The following EXOSC8 variants were observed in gnomAD, a reference collection of about 807,000 sequenced individuals.
EXOSC8 encodes the protein exosome complex component RRP43.
Under a neutral mutation model 39.9 loss-of-function variants are expected in EXOSC8, and 37 were observed. The observed-to-expected ratio is 0.93, with a 90% confidence interval of 0.71 to 1.22. The LOEUF is 1.22. Among genes scored for constraint, EXOSC8 ranks in the 50% most tolerant of loss-of-function variants. EXOSC8 has a pLI of 0.00. For missense variants in EXOSC8, 313 were observed against 326.6 expected, an observed-to-expected ratio of 0.96 and a Z score of 0.32; for synonymous variants, 93 against 109.5, an observed-to-expected ratio of 0.85 and a Z score of 0.94.
intron 1 of EXOSC8, 100 bp from the exon 2 acceptor site, chr13:37,002,173 G>C: frequency 1.2e-6 from 1 of 839,512 alleles, no homozygotes; most frequent in Non-Finnish European, 2.0e-6. Context: ...AAGTTGTGGA[G>C]ATTTATGCTG....
chr13:37,009,135 A>G (rs202116249), intron 10 of EXOSC8, 49 bp from the exon 11 acceptor site: 50 of 1,230,668 alleles, frequency 4.1e-5, no homozygotes, highest in African/African-American at 7.6e-5. Context: ...ATGTTTTTTG[A>G]AAAGGAATGA....
chr13:37,006,479 CAT>C (rs150004044), intron 7 of EXOSC8, among the ~76,000 whole-genome samples: 2,777 of 152,054 alleles, frequency 0.018, 43 homozygotes, highest in Non-Finnish European at 0.025. Flanking sequence ...ATCATGTTAA[CAT>C]ATGTTTATGG....
chr13:37,000,817 GT>G lies in EXOSC8; in HGVS notation c.14del (p.Phe5SerfsTer14). The G allele has an allele frequency of 6.3e-7, 1 of 1,580,166 alleles. No individual in the cohort carries two copies. The highest frequency in any genetic ancestry group is 1.2e-5 in the South Asian group (1 of 86,806). ...GCGCGGGCGGGAAGATGGCGGCTGG[GT>G]TCAAGTGAGTGTTGGCGGGTGGCGG... The part of the protein sequence containing the change: MAAG[F>X]KTVEPLEYYR... On this transcript the variant is annotated frameshift_variant, in exon 1 of 11. Coordinates refer to ENST00000389704, the MANE Select transcript of EXOSC8 (RefSeq NM_181503.3). LOFTEE classifies it high-confidence loss of function.
intron 8 of EXOSC8, 58 bp from the exon 9 acceptor site, chr13:37,007,999 C>A: frequency 7.7e-6 from 10 of 1,292,694 alleles, no homozygotes; most frequent in East Asian, 4.8e-5. Context: ...AAAAAAAAAG[C>A]TTAGAAATCA....
intron 5 of EXOSC8, among the ~76,000 whole-genome samples, chr13:37,004,786 A>G (rs1425708183): frequency 6.6e-6 from 1 of 152,182 alleles, no homozygotes; most frequent in African/African-American, 2.4e-5. Context: ...TGTTTGCTCA[A>G]TTTTTGTTTA....
intron 8 of EXOSC8, among the ~76,000 whole-genome samples, chr13:37,007,828 A>C (rs2059156305): frequency 6.6e-6 from 1 of 152,128 alleles, no homozygotes; most frequent in Non-Finnish European, 1.5e-5. Flanking sequence ...AAAATCATTG[A>C]CTTCTTAAAC....
At chr13:37,005,662 T>C (rs2138848011) in intron 5 of EXOSC8, among the ~76,000 whole-genome samples, 1 of 151,920 alleles carries the variant, frequency 6.6e-6, no homozygotes, top group South Asian at 2.1e-4. Context: ...GGTCAGGCGA[T>C]CGAGACCATC....
intron 4 of EXOSC8, chr13:37,004,254 T>C (rs939513424): frequency 6.0e-6 from 2 of 333,508 alleles, no homozygotes; most frequent in Non-Finnish European, 1.1e-5. Context: ...TCTTGGCTAG[T>C]AGTTGGGGGC....
intron 9 of EXOSC8, 87 bp downstream of exon 9, chr13:37,008,264 A>G (rs1593706625): frequency 5.5e-6 from 6 of 1,096,226 alleles, no homozygotes; most frequent in Non-Finnish European, 6.8e-6. Flanking sequence ...AGGAAGTGCT[A>G]TGGTGACCCT....
At chr13:37,004,440 C>A in intron 4 of EXOSC8, 76 bp from the exon 5 acceptor site, 1 of 1,003,442 alleles carries the variant, frequency 1.0e-6, no homozygotes, top group Non-Finnish European at 1.6e-6. Flanking sequence ...TAGAGCCTTC[C>A]ATAACTGATT....
In EXOSC8 at chr13:37,006,824, T is replaced by G; in HGVS notation, c.391-151T>G. 4 of 575,008 alleles carry G rather than the reference T, an allele frequency of 7.0e-6. No individual in the cohort carries two copies. The South Asian group carries it at 9.2e-5, about 13-fold the overall frequency. The allele number at this position is 575,008 out of a possible 1,614,324, so 35.6% of individuals were successfully genotyped here. On this transcript the variant is annotated intron_variant, in intron 7 of 10. Transcript: ENST00000389704. ...TTTCTTCTGGTTTTCTATAGAACTT[T>G]AAAAAGGTGAAGCATTTTCTTAAGG...
At chr13:37,008,398 T>A (rs1264246912) in intron 9 of EXOSC8, among the ~76,000 whole-genome samples, 1 of 152,246 alleles carries the variant, frequency 6.6e-6, no homozygotes, top group African/African-American at 2.4e-5. Context: ...TTTCCAATTC[T>A]TTCACTATAA....
intron 9 of EXOSC8, among the ~76,000 whole-genome samples, chr13:37,008,426 C>G (rs1339358234): frequency 6.6e-6 from 1 of 152,178 alleles, no homozygotes; most frequent in Non-Finnish European, 1.5e-5. Context: ...CTGAAGCTAT[C>G]TTCAATATTT....
intron 5 of EXOSC8, 113 bp from the exon 6 acceptor site, chr13:37,005,807 T>C (rs2059134353): frequency 1.8e-6 from 1 of 557,786 alleles, no homozygotes; most frequent in East Asian, 3.1e-5. Context: ...GAGGTTGCAG[T>C]AAGCTGAGAT....
intron 1 of EXOSC8, among the ~76,000 whole-genome samples, 173 bp downstream of exon 1, chr13:37,000,995 A>G (rs1413327994): frequency 6.6e-6 from 1 of 152,202 alleles, no homozygotes; most frequent in Admixed American, 6.5e-5. Flanking sequence ...GTGAAAAGAA[A>G]GGGCTTCTTC....
Position 37,008,769 on chromosome 13 carries a change from C to T in EXOSC8, c.649C>T (p.Leu217=). ...IVDPTGEEEH[L]ATGTLTIVMD... Reference sequence around the variant, plus strand: ...TGACCCTACTGGAGAGGAGGAACATCTGGCAACAGGAACCTTAACAATAGT... The same window carrying T: ...TGACCCTACTGGAGAGGAGGAACATTTGGCAACAGGAACCTTAACAATAGT... The change falls in exon 10 of 11, where the codon CTG becomes TTG. Residue 217 remains leucine (L), a synonymous_variant. Transcript: ENST00000389704. 2.5e-6 allele frequency: 4 copies of T among 1,613,590 alleles called. No homozygotes were observed. The highest frequency in any genetic ancestry group is 3.4e-6 in the Non-Finnish European group (4 of 1,179,564).
chr13:37,006,938 AG>A (rs762109710), intron 7 of EXOSC8, 36 bp from the exon 8 acceptor site: 1 of 1,282,442 alleles, frequency 7.8e-7, no homozygotes, highest in East Asian at 2.3e-5. Flanking sequence ...ACCCATTAGA[AG>A]ACTTTAATTT....
chr13:37,007,489 T>A (rs1359442532), intron 8 of EXOSC8, among the ~76,000 whole-genome samples: 1 of 152,234 alleles, frequency 6.6e-6, no homozygotes, highest in Admixed American at 6.5e-5. Flanking sequence ...GTTGACTGAT[T>A]AGTTACAGAT....
chr13:37,009,254 TAAA>T lies in EXOSC8; in HGVS notation c.790_792del (p.Lys264del), dbSNP rs752021211. Reference sequence around the variant, plus strand: ...GAGCAGTTACAAGACACAAAGAAGTTAAAAAACTGATGGATGAAGTAATTAAGA... The same window carrying T: ...GAGCAGTTACAAGACACAAAGAAGTTAAACTGATGGATGAAGTAATTAAGA... On this transcript the variant is annotated inframe_deletion, in exon 11 of 11. Coordinates refer to ENST00000389704, the MANE Select transcript of EXOSC8 (RefSeq NM_181503.3). 1.2e-6 allele frequency: 2 copies of T among 1,613,104 alleles called. No individual in the cohort carries two copies. Among genetic ancestry groups the T allele is most frequent in the Non-Finnish European group, 1.7e-6 (2 of 1,179,298 alleles).
Sources: gnomAD v4.1 joint callset for allele counts (sites outside exome capture counted in the v4.1 genomes callset) on GRCh38, gnomAD v4.1.1 for gene constraint, MANE v1.5 for transcripts, NCBI Gene and HGNC (gene_info 2026-07-23, HGNC 2026-07-21) for gene names.